The following TTC29 variants were observed in gnomAD, a reference collection of about 807,000 sequenced individuals.
The protein encoded by TTC29 is tetratricopeptide repeat protein 29.
A neutral mutation model predicts 58.1 loss-of-function variants in TTC29; 49 were observed. The ratio of observed to expected loss-of-function variants is 0.84; its 90% CI spans 0.67 to 1.07. The LOEUF is 1.07. Ranked by LOEUF, TTC29 falls within the 50% of genes least tolerant of loss-of-function variation. The pLI is 0.00. For synonymous variants in TTC29, 209 were observed against 196.8 expected, an observed-to-expected ratio of 1.06 and a Z score of -0.52; for missense variants, 582 against 555.6, an observed-to-expected ratio of 1.05 and a Z score of -0.48.
At chr4:146,861,790 A>G (rs972848412) in intron 8 of TTC29, among the ~76,000 whole-genome samples, 1 of 152,214 alleles carries the variant, frequency 6.6e-6, no homozygotes, top group African/African-American at 2.4e-5. Context: ...TTTGAAAAAA[A>G]AAAGTAAAAA....
chr4:146,828,829 G>T (rs1317956613), intron 9 of TTC29, among the ~76,000 whole-genome samples: 1 of 152,158 alleles, frequency 6.6e-6, no homozygotes, highest in Non-Finnish European at 1.5e-5. Context: ...TTTACTCAAT[G>T]AATGTATAGG....
chr4:146,757,731 A>G (rs1385314289), intron 11 of TTC29, among the ~76,000 whole-genome samples: 2 of 152,174 alleles, frequency 1.3e-5, no homozygotes, highest in Non-Finnish European at 2.9e-5. Context: ...ATCATATATG[A>G]AGGAAAGATA....
intron 11 of TTC29, among the ~76,000 whole-genome samples, chr4:146,788,253 A>T (rs1200725804): frequency 6.6e-6 from 1 of 152,200 alleles, no homozygotes; most frequent in African/African-American, 2.4e-5. Context: ...ATGAGAGATG[A>T]TTTCTTTGAC....
chr4:146,768,592 T>C (rs572972400), intron 11 of TTC29, among the ~76,000 whole-genome samples: 1 of 152,048 alleles, frequency 6.6e-6, no homozygotes, highest in Non-Finnish European at 1.5e-5. Context: ...TTAACACAAC[T>C]AGGCTGGCTG....
At chr4:146,824,562 CTT>C (rs34491094) in intron 9 of TTC29, among the ~76,000 whole-genome samples, 1 of 151,322 alleles carries the variant, frequency 6.6e-6, no homozygotes, top group African/African-American at 2.4e-5. Context: ...CTGAAATTTT[CTT>C]TTTTTTTGTG....
intron 8 of TTC29, among the ~76,000 whole-genome samples, chr4:146,851,197 T>A (rs965477127): frequency 1.3e-5 from 2 of 152,244 alleles, no homozygotes; most frequent in African/African-American, 2.4e-5. Context: ...GTCTAAGTGC[T>A]TTCTGTATGT....
intron 11 of TTC29, among the ~76,000 whole-genome samples, chr4:146,739,983 C>T (rs1745003003): frequency 6.6e-6 from 1 of 151,948 alleles, no homozygotes; most frequent in Admixed American, 6.6e-5. Context: ...GGAAAAGTCT[C>T]CTAAGGACTT....
intron 6 of TTC29, among the ~76,000 whole-genome samples, chr4:146,888,120 G>A (rs1314564412): frequency 6.6e-6 from 1 of 152,106 alleles, no homozygotes; most frequent in Admixed American, 6.6e-5. Flanking sequence ...TGAAACTCTT[G>A]AACACAAGTG....
chr4:146,849,122 G>T (rs1729358737), intron 8 of TTC29, among the ~76,000 whole-genome samples: 2 of 152,100 alleles, frequency 1.3e-5, no homozygotes, highest in Admixed American at 1.3e-4. Flanking sequence ...GTGGCTTGGT[G>T]CTTGTCACTT....
chr4:146,856,716 TA>T (rs909478137), intron 8 of TTC29, among the ~76,000 whole-genome samples: 1 of 150,552 alleles, frequency 6.6e-6, no homozygotes, highest in Non-Finnish European at 1.5e-5. Flanking sequence ...TATTAATATG[TA>T]AAAAAACTAG....
At chr4:146,833,662 A>G in intron 9 of TTC29, 144 bp downstream of exon 9, 1 of 658,702 alleles carries the variant, frequency 1.5e-6, no homozygotes, top group Non-Finnish European at 2.7e-6. Context: ...GTTTAAAATA[A>G]CTTATGATGA....
At chr4:146,721,931 G>T (rs551473187) in intron 11 of TTC29, among the ~76,000 whole-genome samples, 4 of 152,166 alleles carry the variant, frequency 2.6e-5, no homozygotes, top group African/African-American at 9.6e-5. Context: ...CTGCCAAAAG[G>T]CTCCTGGAAC....
chr4:146,828,994 G>C (rs1316857223), intron 9 of TTC29, among the ~76,000 whole-genome samples: 2 of 152,310 alleles, frequency 1.3e-5, no homozygotes, highest in East Asian at 3.9e-4. Flanking sequence ...AAAGGGTACA[G>C]CTTATTTGTA....
At chr4:146,869,731 G>A (rs963211715) in intron 7 of TTC29, among the ~76,000 whole-genome samples, 6 of 151,956 alleles carry the variant, frequency 3.9e-5, no homozygotes, top group African/African-American at 1.5e-4. Flanking sequence ...AGAGGGGAAA[G>A]GAAAGAAAAC....
chr4:146,836,934 G>A (rs1266572504), intron 8 of TTC29, among the ~76,000 whole-genome samples: 3 of 152,030 alleles, frequency 2.0e-5, no homozygotes, highest in Non-Finnish European at 4.4e-5. Context: ...AAAACAGTGT[G>A]GTGATTCCTC....
At chr4:146,928,207 G>T (rs747756950) in intron 4 of TTC29, among the ~76,000 whole-genome samples, 1 of 152,108 alleles carries the variant, frequency 6.6e-6, no homozygotes, top group Non-Finnish European at 1.5e-5. Flanking sequence ...GAGGCAGAAT[G>T]GTATAATGCT....
At chr4:146,847,249 G>A (rs1729233040) in intron 8 of TTC29, among the ~76,000 whole-genome samples, 3 of 152,124 alleles carry the variant, frequency 2.0e-5, no homozygotes, top group Admixed American at 6.5e-5. Context: ...GGAAGCGGTG[G>A]CAATAGGAAA....
At chr4:146,890,024 T>G (rs1467962742) in intron 6 of TTC29, among the ~76,000 whole-genome samples, 2 of 152,176 alleles carry the variant, frequency 1.3e-5, no homozygotes, top group Non-Finnish European at 2.9e-5. Flanking sequence ...TATATTTCTT[T>G]TTTTTATTTC....
At chr4:146,783,352 T>A (rs968013078) in intron 11 of TTC29, among the ~76,000 whole-genome samples, 1 of 151,824 alleles carries the variant, frequency 6.6e-6, no homozygotes, top group Non-Finnish European at 1.5e-5. Flanking sequence ...TTTTTTTTTT[T>A]ATGAATGAAA....
Sources: allele counts gnomAD v4.1 joint callset (sites outside exome capture counted in the v4.1 genomes callset), GRCh38; gene constraint gnomAD v4.1.1; transcripts MANE v1.5; gene names NCBI Gene and HGNC (gene_info 2026-07-23, HGNC 2026-07-21).